RAPGEF6: variants seen among roughly 807,000 people sequenced by gnomAD.
The protein encoded by RAPGEF6 is PDZ domain containing guanine nucleotide exchange factor (GEF) 2.
RAPGEF6 carries 56 observed loss-of-function variants against 171.4 expected under a neutral mutation model. That is an observed-to-expected ratio of 0.33 (90% CI 0.26 to 0.41). RAPGEF6 has a LOEUF of 0.41. RAPGEF6 is among the 10% of genes least tolerant of loss of function. The pLI is 1.00. For missense variants in RAPGEF6, 1,674 were observed against 1,921.4 expected, an observed-to-expected ratio of 0.87 and a Z score of 2.41; for synonymous variants, 692 against 650.1, an observed-to-expected ratio of 1.06 and a Z score of -0.98.
At chr5:131,506,103 C>T (rs1757356865) in intron 9 of RAPGEF6, among the ~76,000 whole-genome samples, 2 of 152,050 alleles carry the variant, frequency 1.3e-5, no homozygotes, top group South Asian at 4.1e-4. Context: ...AAAATAATGC[C>T]TTCATTTATA....
intron 6 of RAPGEF6, among the ~76,000 whole-genome samples, chr5:131,527,211 AT>A (rs1224696710): frequency 3.3e-5 from 5 of 152,290 alleles, no homozygotes; most frequent in African/African-American, 1.2e-4. Context: ...AGACTCAGAT[AT>A]CCAAACTGTT....
intron 15 of RAPGEF6, 52 bp downstream of exon 15, chr5:131,489,494 T>C: frequency 6.5e-6 from 7 of 1,070,592 alleles, no homozygotes; most frequent in Non-Finnish European, 9.7e-6. Context: ...ATGACTTTTC[T>C]ATTACCAAAT....
At chr5:131,472,451 T>C (rs1008133105) in intron 17 of RAPGEF6, 136 bp downstream of exon 17, 4 of 959,918 alleles carry the variant, frequency 4.2e-6, no homozygotes, top group Non-Finnish European at 6.5e-6. Flanking sequence ...TCAATCTCCC[T>C]TTAGTTTTTT....
intron 7 of RAPGEF6, chr5:131,511,295 G>C (rs747558775): frequency 6.6e-6 from 1 of 151,886 alleles, no homozygotes; most frequent in African/African-American, 2.4e-5. Context: ...ATACTCACTT[G>C]AGTCATCTTG....
At position 131,570,997 on chromosome 5, in the gene RAPGEF6, T is replaced by C. The variant is rs137920153; in HGVS notation, c.282-8950A>G. 3.7e-3 allele frequency among the ~76,000 whole-genome samples: 552 copies of C among 148,874 alleles called. 5 individuals carry two copies. The highest frequency in any genetic ancestry group is 0.013 in the African/African-American group (522 of 39,800). On this transcript the variant is annotated intron_variant, in intron 4 of 27. Coordinates refer to ENST00000509018, the MANE Select transcript of RAPGEF6 (RefSeq NM_016340.6). ...TCTGGTTCTGTCATCCAGGCTGGAA[T>C]GCAGTGGCGCAATCTCCACTCACTG...
intron 6 of RAPGEF6, among the ~76,000 whole-genome samples, chr5:131,524,764 T>C (rs1758768938): frequency 6.6e-6 from 1 of 152,104 alleles, no homozygotes; most frequent in Admixed American, 6.6e-5. Flanking sequence ...TACAGATGTA[T>C]ACCACCATGC....
chr5:131,459,127 T>C (rs929478215), intron 19 of RAPGEF6, among the ~76,000 whole-genome samples: 5 of 152,104 alleles, frequency 3.3e-5, no homozygotes, highest in Admixed American at 1.3e-4. Context: ...AGTAAATGAA[T>C]AGACAAATCA....
intron 17 of RAPGEF6, among the ~76,000 whole-genome samples, chr5:131,470,926 G>C (rs981342039): frequency 2.6e-5 from 4 of 152,168 alleles, no homozygotes; most frequent in African/African-American, 7.2e-5. Flanking sequence ...GAGAATGACA[G>C]AACAAGAGGC....
chr5:131,521,506 T>C lies in RAPGEF6; in HGVS notation c.511A>G (p.Thr171Ala). Residue 171 changes from threonine (T) to alanine (A), a missense_variant, in exon 7 of 28, where the codon ACC (threonine) becomes GCC (alanine). By Grantham distance (58) the Thr-to-Ala change is moderately conservative. Around this residue, in one of 3 missense-constraint regions of RAPGEF6, gnomAD observed 1,116 missense variants for 1,321.5 expected, o/e 0.84. Transcript: ENST00000509018. ...NSYLSLPADLTKMHLTENPHP... is the reference protein window; with the variant it reads ...NSYLSLPADLAKMHLTENPHP... ...GGGTTTTCTGTGAGATGCATCTTGG[T>C]AAGATCAGCTGGAAGCTGAAAAAAA... 1 of 1,607,728 alleles carries C rather than the reference T, an allele frequency of 6.2e-7. No individual in the cohort carries two copies. The highest frequency in any genetic ancestry group is 2.2e-5 in the East Asian group (1 of 44,750).
intron 23 of RAPGEF6, among the ~76,000 whole-genome samples, chr5:131,440,509 G>A (rs1752310874): frequency 6.6e-6 from 1 of 151,996 alleles, no homozygotes; most frequent in Non-Finnish European, 1.5e-5. Flanking sequence ...AGGCTGAGGT[G>A]GGTGGATCAC....
rs1752449615 is a variant in RAPGEF6 at position 131,442,472 on chromosome 5, A to T, written c.3487T>A (p.Ser1163Thr). 3.1e-6 allele frequency: 5 copies of T among 1,614,132 alleles called. No homozygotes were observed. Among genetic ancestry groups the T allele is most frequent in the Non-Finnish European group, 4.2e-6 (5 of 1,180,008 alleles). ...TGGGCTTTAGTTGTTTGGCCAGCTG[A>T]CCTCATAGGCACTGGAGACATTTCA... ...SSEMSPVPMR[S>T]AGQTTKAHLH... The change falls in exon 23 of 28, where the codon TCA becomes ACA. Residue 1163 changes from serine (S) to threonine (T), a missense_variant. Transcript: ENST00000509018.
At chr5:131,574,215 C>A (rs542550481) in intron 4 of RAPGEF6, among the ~76,000 whole-genome samples, 1 of 152,254 alleles carries the variant, frequency 6.6e-6, no homozygotes, top group South Asian at 2.1e-4. Flanking sequence ...CCTATCTGTG[C>A]GGGACCCCAC....
chr5:131,465,476 T>G lies in RAPGEF6; in HGVS notation c.2240-1195A>C, dbSNP rs143620681. Among the ~76,000 whole-genome samples, 571 of 152,236 alleles carry G rather than the reference T, an allele frequency of 3.8e-3. 4 individuals are homozygous for G. The highest frequency in any genetic ancestry group is 0.013 in the African/African-American group (541 of 41,556). ...GACAATAAATTACTGTTGCAAAAGT[T>G]TCCTTTTTAAAAAAATTAGGAATAC... On this transcript the variant is annotated intron_variant, in intron 17 of 27. Transcript: ENST00000509018.
At chr5:131,483,200 T>C (rs2149861232) in intron 15 of RAPGEF6, among the ~76,000 whole-genome samples, 1 of 151,906 alleles carries the variant, frequency 6.6e-6, no homozygotes, top group Non-Finnish European at 1.5e-5. Context: ...AATACAAAAA[T>C]GAGCGGGGCA....
At chr5:131,571,646 C>A (rs1326482967) in intron 4 of RAPGEF6, among the ~76,000 whole-genome samples, 5 of 152,222 alleles carry the variant, frequency 3.3e-5, no homozygotes, top group African/African-American at 4.8e-5. Flanking sequence ...TCTCCCTAAA[C>A]TGGTTTATAG....
intron 9 of RAPGEF6, among the ~76,000 whole-genome samples, chr5:131,506,507 T>TAAAG (rs1757380029): frequency 6.6e-6 from 1 of 152,218 alleles, no homozygotes; most frequent in Non-Finnish European, 1.5e-5. Flanking sequence ...AACCCTCTTA[T>TAAAG]AAGCCTGAAC....
intron 20 of RAPGEF6, among the ~76,000 whole-genome samples, chr5:131,455,411 A>T (rs143778265): frequency 3.7e-4 from 56 of 152,188 alleles, no homozygotes; most frequent in African/African-American, 1.3e-3. Flanking sequence ...GGCGGCCGCC[A>T]CCACCCCCGG....
At chr5:131,555,552 T>C (rs1157752166) in intron 5 of RAPGEF6, among the ~76,000 whole-genome samples, 1 of 151,998 alleles carries the variant, frequency 6.6e-6, no homozygotes, top group African/African-American at 2.4e-5. Flanking sequence ...TATGCATCTA[T>C]TAGTTATATT....
At chr5:131,432,801 C>G in intron 25 of RAPGEF6, among the ~76,000 whole-genome samples, 1 of 152,110 alleles carries the variant, frequency 6.6e-6, no homozygotes, top group East Asian at 1.9e-4. Context: ...TTGCTGACCT[C>G]TGGTGTAGAG....
Sources: gnomAD v4.1 joint callset for allele counts (sites outside exome capture counted in the v4.1 genomes callset) on GRCh38, gnomAD v4.1.1 for gene constraint, gnomAD v4.1.1 regional missense constraint, MANE v1.5 for transcripts, NCBI Gene and HGNC (gene_info 2026-07-23, HGNC 2026-07-21) for gene names.